The following UBE2E2 variants were observed in gnomAD, a reference collection of about 807,000 sequenced individuals.
The protein encoded by UBE2E2 is ubiquitin conjugating enzyme E2 E2.
A neutral mutation model predicts 24.7 loss-of-function variants in UBE2E2; 6 were observed. That is an observed-to-expected ratio of 0.24 (90% CI 0.13 to 0.48). The LOEUF (loss-of-function observed/expected upper bound fraction) is 0.48, where lower values mean the gene tolerates loss of function less well. UBE2E2 is among the 20% of genes least tolerant of loss of function. The probability of loss-of-function intolerance (pLI) is 0.99; values close to 1 mark genes in which losing one functional copy is unlikely to be tolerated. For missense variants in UBE2E2, 169 were observed against 245.0 expected (o/e 0.69, Z 2.07); for synonymous variants, 104 against 83.6 (o/e 1.24, Z -1.33).
intron 3 of UBE2E2, among the ~76,000 whole-genome samples, chr3:23,218,584 A>C (rs1306112921): frequency 6.6e-6 from 1 of 152,018 alleles, no homozygotes; most frequent in Non-Finnish European, 1.5e-5. Context: ...AATATATTAC[A>C]TATATTATTT....
chr3:23,239,036 A>G (rs189193479), intron 3 of UBE2E2, among the ~76,000 whole-genome samples: 9 of 152,208 alleles, frequency 5.9e-5, no homozygotes, highest in Non-Finnish European at 1.2e-4. Flanking sequence ...ACTGAAATGT[A>G]TACCTTCAGG....
intron 3 of UBE2E2, among the ~76,000 whole-genome samples, chr3:23,481,819 A>G (rs1699266311): frequency 6.6e-6 from 1 of 152,240 alleles, no homozygotes; most frequent in Non-Finnish European, 1.5e-5. Context: ...CGACGTTGAC[A>G]GGAATTATTA....
chr3:23,496,653 A>AT (rs1699608671), intron 3 of UBE2E2, among the ~76,000 whole-genome samples: 1 of 152,098 alleles, frequency 6.6e-6, no homozygotes. Flanking sequence ...GGATTTACCC[A>AT]TTTTTCTGTC....
chr3:23,345,202 A>T (rs912387549), intron 3 of UBE2E2, among the ~76,000 whole-genome samples: 2 of 152,230 alleles, frequency 1.3e-5, no homozygotes, highest in African/African-American at 4.8e-5. Context: ...TAAGCTGAGT[A>T]TAACTATTAT....
At chr3:23,364,023 A>G (rs1330369814) in intron 3 of UBE2E2, among the ~76,000 whole-genome samples, 1 of 152,212 alleles carries the variant, frequency 6.6e-6, no homozygotes, top group Non-Finnish European at 1.5e-5. Flanking sequence ...TGGAAATTAT[A>G]TAACCTACTC....
intron 3 of UBE2E2, among the ~76,000 whole-genome samples, chr3:23,223,560 T>G (rs1559445614): frequency 6.6e-6 from 1 of 152,160 alleles, no homozygotes; most frequent in African/African-American, 2.4e-5. Context: ...TTACATATTC[T>G]GGTTACTAAT....
At chr3:23,408,844 G>T (rs1329422560) in intron 3 of UBE2E2, among the ~76,000 whole-genome samples, 1 of 151,980 alleles carries the variant, frequency 6.6e-6, no homozygotes, top group African/African-American at 2.4e-5. Flanking sequence ...TTGTTCTTTT[G>T]CCTTACCTTG....
At position 23,568,687 on chromosome 3, in the gene UBE2E2, A is replaced by G. The variant is rs1255657279; in HGVS notation, c.509-21047A>G. Reference sequence around the variant, plus strand: ...TATATACGCACATATATGTATACATATATACACACATATATATATACATGT... The same window carrying G: ...TATATACGCACATATATGTATACATGTATACACACATATATATATACATGT... On this transcript the variant is annotated intron_variant, in intron 5 of 5. Transcript: ENST00000396703. Among the ~76,000 whole-genome samples, 5 of 99,610 alleles carry G rather than the reference A, an allele frequency of 5.0e-5. No homozygotes were observed. In the East Asian group the frequency reaches 1.3e-3, roughly 25 times the overall value. 65.3% of individuals were successfully genotyped at this position (99,610 alleles called of 152,430 possible).
At chr3:23,488,483 A>G (rs1409518320) in intron 3 of UBE2E2, among the ~76,000 whole-genome samples, 1 of 152,196 alleles carries the variant, frequency 6.6e-6, no homozygotes. Flanking sequence ...TAGTCTGTCT[A>G]AGATAGTTAA....
intron 3 of UBE2E2, among the ~76,000 whole-genome samples, chr3:23,432,794 C>G (rs1449764159): frequency 6.6e-6 from 1 of 151,782 alleles, no homozygotes; most frequent in African/African-American, 2.4e-5. Flanking sequence ...ACAGAGACTT[C>G]TTTTCTGTTA....
intron 5 of UBE2E2, among the ~76,000 whole-genome samples, chr3:23,577,333 A>T (rs1053136794): frequency 2.1e-4 from 15 of 72,486 alleles, no homozygotes; most frequent in African/African-American, 8.8e-4. Context: ...AATGATTTAA[A>T]AAAAAAAAAA....
chr3:23,523,017 C>T (rs1168208058), intron 4 of UBE2E2, among the ~76,000 whole-genome samples: 1 of 150,728 alleles, frequency 6.6e-6, no homozygotes, highest in Non-Finnish European at 1.5e-5. Context: ...CAGAACAAGT[C>T]AAGAGACAAA....
At chr3:23,316,496 C>A (rs1355314240) in intron 3 of UBE2E2, among the ~76,000 whole-genome samples, 2 of 151,926 alleles carry the variant, frequency 1.3e-5, no homozygotes, top group Admixed American at 6.6e-5. Flanking sequence ...ACTTGCAATT[C>A]CCCCCGTAGG....
At chr3:23,313,301 A>G (rs766141225) in intron 3 of UBE2E2, among the ~76,000 whole-genome samples, 2 of 149,950 alleles carry the variant, frequency 1.3e-5, no homozygotes, top group East Asian at 2.0e-4. Flanking sequence ...TTTGCATGGA[A>G]TATTTTTTTT....
chr3:23,256,589 G>C (rs532210744), intron 3 of UBE2E2, among the ~76,000 whole-genome samples: 1 of 152,066 alleles, frequency 6.6e-6, no homozygotes, highest in African/African-American at 2.4e-5. Context: ...TGAGGTTATG[G>C]TTAATTTCTT....
At chr3:23,455,158 A>G (rs892327399) in intron 3 of UBE2E2, among the ~76,000 whole-genome samples, 5 of 152,190 alleles carry the variant, frequency 3.3e-5, no homozygotes, top group African/African-American at 1.2e-4. Flanking sequence ...GAGCAGAACT[A>G]TCAACAATCT....
At chr3:23,351,128 G>C (rs1695735690) in intron 3 of UBE2E2, among the ~76,000 whole-genome samples, 1 of 152,124 alleles carries the variant, frequency 6.6e-6, no homozygotes, top group Non-Finnish European at 1.5e-5. Flanking sequence ...TTCATATCCA[G>C]CCAAACTAAG....
intron 5 of UBE2E2, among the ~76,000 whole-genome samples, chr3:23,566,611 G>A (rs1230103773): frequency 6.6e-6 from 1 of 152,170 alleles, no homozygotes; most frequent in Admixed American, 6.6e-5. Context: ...ATGGTGGAGA[G>A]TGAAGGCAAG....
At chr3:23,588,924 G>A (rs561332933) in intron 5 of UBE2E2, among the ~76,000 whole-genome samples, 10 of 152,294 alleles carry the variant, frequency 6.6e-5, no homozygotes, top group Middle Eastern at 3.4e-3. Context: ...TGAGGAAGAA[G>A]TGGACCATCT....
Sources: allele counts gnomAD v4.1 joint callset (sites outside exome capture counted in the v4.1 genomes callset), GRCh38; gene constraint gnomAD v4.1.1; transcripts MANE v1.5; gene names NCBI Gene and HGNC (gene_info 2026-07-23, HGNC 2026-07-21).